Variants in SDC2 observed in about 807,000 individuals in gnomAD.
SDC2 encodes syndecan 2.
In SDC2, 13 loss-of-function variants were observed where a neutral mutation model predicts 22.2. That is an observed-to-expected ratio of 0.59 (90% CI 0.38 to 0.93). SDC2 has a LOEUF of 0.93. SDC2 is among the 40% of genes least tolerant of loss of function. The pLI is 0.00. For missense variants in SDC2, 235 were observed against 246.8 expected (o/e 0.95, Z 0.32); for synonymous variants, 94 against 92.8 (o/e 1.01, Z -0.07).
At chr8:96,601,671 A>G (rs931478502) in intron 2 of SDC2, among the ~76,000 whole-genome samples, 5 of 151,734 alleles carry the variant, frequency 3.3e-5, no homozygotes, top group African/African-American at 1.2e-4. Flanking sequence ...AAACAAAACA[A>G]AAACCCGGGA....
intron 2 of SDC2, among the ~76,000 whole-genome samples, chr8:96,597,676 G>A (rs1332745611): frequency 2.0e-5 from 3 of 152,198 alleles, no homozygotes; most frequent in Non-Finnish European, 4.4e-5. Flanking sequence ...AAACAGGAAT[G>A]TTCTGAGACA....
At chr8:96,514,826 A>C (rs1428230538) in intron 1 of SDC2, among the ~76,000 whole-genome samples, 1 of 152,090 alleles carries the variant, frequency 6.6e-6, no homozygotes, top group Non-Finnish European at 1.5e-5. Context: ...GGCGGAGTGC[A>C]GGCGGTAATG....
At chr8:96,500,272 G>A (rs990195053) in intron 1 of SDC2, among the ~76,000 whole-genome samples, 4 of 152,186 alleles carry the variant, frequency 2.6e-5, no homozygotes, top group African/African-American at 2.4e-5. Context: ...TGTATCATGC[G>A]TTGGTATGCC....
intron 1 of SDC2, among the ~76,000 whole-genome samples, chr8:96,502,749 C>T (rs1813185178): frequency 6.6e-6 from 1 of 152,166 alleles, no homozygotes; most frequent in South Asian, 2.1e-4. Context: ...ACCTTCTGGG[C>T]TCAGTTTTCT....
Position 96,593,462 on chromosome 8 carries a change from T to G in SDC2, c.61-18T>G. 1.9e-6 allele frequency: 3 copies of G among 1,557,156 alleles called. No individual in the cohort carries two copies. Among genetic ancestry groups the G allele is most frequent in the Non-Finnish European group, 2.7e-6 (3 of 1,128,722 alleles). ...TTAATCTCTCAACATCCTGACTCCC[T>G]TGTCTTTCCTTTCTCAGAGAGCAGA... On this transcript the variant is annotated intron_variant, in intron 1 of 4. Coordinates refer to ENST00000302190, the MANE Select transcript of SDC2 (RefSeq NM_002998.4).
rs117692299 is a variant in SDC2, at chr8:96,547,321, T to G, written c.61-46159T>G. ...AACTCTGGTTCATTAGCTTACACTA[T>G]AAAAGAGTTCTACAGCTCCACTTAC... On this transcript the variant is annotated intron_variant, in intron 1 of 4. Coordinates refer to ENST00000302190, the MANE Select transcript of SDC2 (RefSeq NM_002998.4). 4.6e-5 allele frequency among the ~76,000 whole-genome samples: 7 copies of G among 152,356 alleles called. No homozygotes were observed. In the East Asian group the frequency reaches 7.7e-4, roughly 17 times the overall value.
chr8:96,501,295 CTTTTTTTTTTTTT>C (rs35998270), intron 1 of SDC2, among the ~76,000 whole-genome samples: 15 of 55,162 alleles, frequency 2.7e-4, no homozygotes, highest in Non-Finnish European at 1.4e-4. Context: ...ATACGTATTT[CTTTTTTTTTTTTT>C]TTTTTTTTTT....
chr8:96,511,347 G>A (rs1026765298), intron 1 of SDC2, among the ~76,000 whole-genome samples: 2 of 152,176 alleles, frequency 1.3e-5, no homozygotes, highest in Non-Finnish European at 2.9e-5. Flanking sequence ...CAGACCAGCA[G>A]TGTGGGCATC....
At chr8:96,579,166 A>G (rs554960825) in intron 1 of SDC2, among the ~76,000 whole-genome samples, 168 of 152,334 alleles carry the variant, frequency 1.1e-3, no homozygotes, top group African/African-American at 3.8e-3. Context: ...CTGTCAGTCT[A>G]CTTAGATTTC....
At chr8:96,554,928 C>A (rs1002998029) in intron 1 of SDC2, among the ~76,000 whole-genome samples, 1 of 152,140 alleles carries the variant, frequency 6.6e-6, no homozygotes, top group Non-Finnish European at 1.5e-5. Flanking sequence ...CCTTTCTTTG[C>A]AGAAGCTGCT....
chr8:96,539,835 T>C (rs890085922), intron 1 of SDC2, among the ~76,000 whole-genome samples: 4 of 152,196 alleles, frequency 2.6e-5, no homozygotes, highest in Non-Finnish European at 5.9e-5. Flanking sequence ...TTATAAGGTG[T>C]CATTTCTGGA....
chr8:96,563,936 G>A (rs1052142696), intron 1 of SDC2, among the ~76,000 whole-genome samples: 15 of 152,176 alleles, frequency 9.9e-5, no homozygotes, highest in South Asian at 2.1e-4. Flanking sequence ...AGCCACTGGC[G>A]GCTACACTCT....
chr8:96,592,294 C>T (rs757326821), intron 1 of SDC2, among the ~76,000 whole-genome samples: 7 of 152,178 alleles, frequency 4.6e-5, no homozygotes, highest in Admixed American at 1.3e-4. Context: ...AGGGTTGGAC[C>T]TGTCCTCTTA....
At chr8:96,605,777 G>A (rs1447509688) in intron 3 of SDC2, among the ~76,000 whole-genome samples, 2 of 152,152 alleles carry the variant, frequency 1.3e-5, no homozygotes, top group African/African-American at 4.8e-5. Context: ...CTGAGACAGG[G>A]ACCTATTGAT....
At chr8:96,595,988 T>C (rs569819286) in intron 2 of SDC2, among the ~76,000 whole-genome samples, 1 of 152,230 alleles carries the variant, frequency 6.6e-6, no homozygotes, top group South Asian at 2.1e-4. Flanking sequence ...GAGCTGGGAG[T>C]GTTGTTTTTC....
intron 1 of SDC2, among the ~76,000 whole-genome samples, chr8:96,575,115 A>G (rs1814465215): frequency 6.6e-6 from 1 of 152,166 alleles, no homozygotes; most frequent in Non-Finnish European, 1.5e-5. Flanking sequence ...CTAACAGGCC[A>G]CGGATCGGTA....
chr8:96,574,019 T>G (rs1814445814), intron 1 of SDC2, among the ~76,000 whole-genome samples: 1 of 139,692 alleles, frequency 7.2e-6, no homozygotes, highest in South Asian at 2.3e-4. Context: ...ATTCTCCCCC[T>G]GCCCTCTGCA....
chr8:96,569,382 T>G (rs1259146815), intron 1 of SDC2, among the ~76,000 whole-genome samples: 1 of 152,170 alleles, frequency 6.6e-6, no homozygotes, highest in Admixed American at 6.5e-5. Context: ...TTCACCCCAG[T>G]TCTAGGTTAG....
At chr8:96,562,360 A>G (rs115460993) in intron 1 of SDC2, among the ~76,000 whole-genome samples, 248 of 152,284 alleles carry the variant, frequency 1.6e-3, no homozygotes, top group African/African-American at 5.9e-3. Context: ...AATGCTGAAA[A>G]GAGGTGGCAT....
Sources: gnomAD v4.1 joint callset for allele counts (sites outside exome capture counted in the v4.1 genomes callset) on GRCh38, gnomAD v4.1.1 for gene constraint, MANE v1.5 for transcripts, NCBI Gene and HGNC (gene_info 2026-07-23, HGNC 2026-07-21) for gene names.